The following MEIKIN variants were observed in gnomAD, a reference collection of about 807,000 sequenced individuals.
The protein encoded by MEIKIN is meiosis-specific kinetochore protein.
At chr5:131,899,949 T>C (rs1751128444) in intron 8 of MEIKIN, among the ~76,000 whole-genome samples, 1 of 152,226 alleles carries the variant, frequency 6.6e-6, no homozygotes, top group Admixed American at 6.5e-5. Context: ...GGACTTAATC[T>C]TCACTTATTC....
At chr5:131,936,713 G>A (rs6881104) in intron 4 of MEIKIN, among the ~76,000 whole-genome samples, 15,926 of 152,044 alleles carry the variant, frequency 0.1, 1,992 homozygotes, top group African/African-American at 0.3. Flanking sequence ...TCCCACCTCA[G>A]CCTCCTGAGT....
Position 131,845,272 on chromosome 5 carries a change from TAAAAAAA to T in MEIKIN, c.975+5985_975+5991del, listed in dbSNP as rs1158220526. Among the ~76,000 whole-genome samples, 77 of 45,362 alleles carry T rather than the reference TAAAAAAA, an allele frequency of 1.7e-3. 1 individual carries two copies. Among genetic ancestry groups the T allele is most frequent in the African/African-American group, 9.6e-3 (69 of 7,164 alleles). 29.8% of individuals were successfully genotyped at this position (45,362 alleles called of 152,430 possible). A position where few individuals can be genotyped will look rare whatever the true frequency, so the allele number is the denominator to read the frequency against. On this transcript the variant is annotated intron_variant, in intron 11 of 12. Transcript: ENST00000442687. Reference sequence around the variant, plus strand: ...GTGACAGAGCGAGAAGACTTCGTCTTAAAAAAAAAAAAAAAAAAAAAAAAAAAAGATG... The same window carrying T: ...GTGACAGAGCGAGAAGACTTCGTCTTAAAAAAAAAAAAAAAAAAAAAGATG...
chr5:131,833,884 T>C (rs1250870155), intron 11 of MEIKIN, among the ~76,000 whole-genome samples: 1 of 152,096 alleles, frequency 6.6e-6, no homozygotes, highest in Non-Finnish European at 1.5e-5. Context: ...ACGAAGAAAA[T>C]GTTTGTAAAA....
chr5:131,923,130 C>A (rs138789603), intron 5 of MEIKIN, among the ~76,000 whole-genome samples: 3 of 152,188 alleles, frequency 2.0e-5, no homozygotes, highest in Non-Finnish European at 2.9e-5. Flanking sequence ...TCAAGCAATC[C>A]GCCTGCCTCA....
intron 8 of MEIKIN, among the ~76,000 whole-genome samples, chr5:131,886,545 G>A (rs556505787): frequency 6.6e-6 from 1 of 152,260 alleles, no homozygotes; most frequent in African/African-American, 2.4e-5. Flanking sequence ...CTCTACAATA[G>A]TATATCAGGC....
chr5:131,848,628 T>A (rs1580871042), intron 11 of MEIKIN, among the ~76,000 whole-genome samples: 1 of 152,166 alleles, frequency 6.6e-6, no homozygotes, highest in Non-Finnish European at 1.5e-5. Context: ...CTTCTCTAAC[T>A]TTCCAAGAAG....
At chr5:131,896,667 G>T (rs1296589540) in intron 8 of MEIKIN, among the ~76,000 whole-genome samples, 1 of 152,070 alleles carries the variant, frequency 6.6e-6, no homozygotes, top group Non-Finnish European at 1.5e-5. Context: ...ATCTTTGTTG[G>T]TTTAAAGTCT....
rs749135114 is a variant in MEIKIN at position 131,935,267 on chromosome 5, CAAA to C, written c.350-1629_350-1627del. ...GCAACATAGTGGAACCCCGTCTCTA[CAAA>C]AAAAAAAAAAAAAAAAAAAGAAAGA... is the stretch of plus-strand genomic sequence containing the variant. On this transcript the variant is annotated intron_variant, in intron 4 of 12. Transcript: ENST00000442687. 9.3e-4 allele frequency among the ~76,000 whole-genome samples: 34 copies of C among 36,626 alleles called. No individual in the cohort carries two copies. The East Asian group carries it at 0.024, about 26-fold the overall frequency. 24.0% of individuals were successfully genotyped at this position (36,626 alleles called of 152,430 possible). A position where few individuals can be genotyped will look rare whatever the true frequency, so the allele number is the denominator to read the frequency against.
intron 7 of MEIKIN, among the ~76,000 whole-genome samples, chr5:131,915,897 A>G (rs1751408357): frequency 6.6e-6 from 1 of 152,194 alleles, no homozygotes. Context: ...GAGACAGGAA[A>G]TAGTCTCAGA....
chr5:131,815,248 T>C (rs771469437), intron 12 of MEIKIN, among the ~76,000 whole-genome samples: 1 of 152,186 alleles, frequency 6.6e-6, no homozygotes, highest in Non-Finnish European at 1.5e-5. Context: ...GCTGGCCTAA[T>C]AGGATGATGG....
chr5:131,866,932 T>C (rs1875177), intron 9 of MEIKIN, among the ~76,000 whole-genome samples: 119,130 of 152,030 alleles, frequency 0.78, 46,928 homozygotes, highest in African/African-American at 0.83. Context: ...TTCCTCCCCT[T>C]CTTCATTCCC....
chr5:131,834,587 A>G (rs1749770259), intron 11 of MEIKIN, among the ~76,000 whole-genome samples: 1 of 152,068 alleles, frequency 6.6e-6, no homozygotes, highest in African/African-American at 2.4e-5. Flanking sequence ...AGTATTTGTC[A>G]TTGTATGTGT....
At chr5:131,845,818 T>C (rs898580143) in intron 11 of MEIKIN, among the ~76,000 whole-genome samples, 3 of 151,928 alleles carry the variant, frequency 2.0e-5, no homozygotes, top group Non-Finnish European at 4.4e-5. Flanking sequence ...CAAACCTACA[T>C]ATATATTGTG....
At position 131,832,888 on chromosome 5, in the gene MEIKIN, C is replaced by T. The variant is rs560934113; in HGVS notation, c.976-14025G>A. Among the ~76,000 whole-genome samples the T allele has an allele frequency of 3.9e-5, 6 of 152,338 alleles. No individual in the cohort carries two copies. In the South Asian group the frequency reaches 1.2e-3, roughly 32 times the overall value. The stretch of plus-strand genomic sequence containing the variant: ...CTGCACACAGCATGGGGATCCTGGG[C>T]CTGGCCCAGAAAACCACTTTTTCCT... On this transcript the variant is annotated intron_variant, in intron 11 of 12. Coordinates refer to ENST00000442687, the MANE Select transcript of MEIKIN (RefSeq NM_001303622.2).
At chr5:131,941,012 G>T (rs1751860766) in intron 4 of MEIKIN, among the ~76,000 whole-genome samples, 1 of 151,924 alleles carries the variant, frequency 6.6e-6, no homozygotes, top group African/African-American at 2.4e-5. Context: ...AATTATCAGG[G>T]TTTTCTCCTG....
intron 8 of MEIKIN, among the ~76,000 whole-genome samples, chr5:131,890,530 G>A (rs1040476788): frequency 1.1e-4 from 17 of 152,116 alleles, no homozygotes; most frequent in Non-Finnish European, 1.9e-4. Flanking sequence ...TTCTCTGATG[G>A]TAGTTTGTAT....
chr5:131,892,300 C>G (rs1379131618), intron 8 of MEIKIN, among the ~76,000 whole-genome samples: 1 of 152,172 alleles, frequency 6.6e-6, no homozygotes, highest in African/African-American at 2.4e-5. Context: ...GAATAGTATC[C>G]TGCAGAGTGT....
In MEIKIN at chr5:131,818,856, G is replaced by A; in HGVS notation, c.983C>T (p.Ala328Val). 1 of 397,648 alleles carries A rather than the reference G, an allele frequency of 2.5e-6. No individual in the cohort carries two copies. 24.6% of individuals were successfully genotyped at this position (397,648 alleles called of 1,614,324 possible). A position where few individuals can be genotyped will look rare whatever the true frequency, so the allele number is the denominator to read the frequency against. Residue 328 changes from alanine to valine, a missense_variant, in exon 12 of 13, where the codon GCA becomes GTA. Physicochemically the swap from Ala to Val is moderately conservative, Grantham distance 64. Coordinates refer to ENST00000442687, the MANE Select transcript of MEIKIN (RefSeq NM_001303622.2). ...LQENSSNEFP[A>V]NASEICCIIR... ...AATACAACATATTTCTGATGCATTT[G>A]CAGGAAACTGGAAAAGAAAAAAAGC...
chr5:131,898,863 CCT>C (rs539825777), intron 8 of MEIKIN, among the ~76,000 whole-genome samples: 57 of 152,218 alleles, frequency 3.7e-4, no homozygotes, highest in Non-Finnish European at 7.2e-4. Flanking sequence ...AGGGAAATCC[CCT>C]GACCCCTTGC....
Sources: gnomAD v4.1 joint callset for allele counts (sites outside exome capture counted in the v4.1 genomes callset) on GRCh38, gnomAD v4.1.1 for gene constraint, MANE v1.5 for transcripts, NCBI Gene and HGNC (gene_info 2026-07-23, HGNC 2026-07-21) for gene names.